MAGI1: variants seen among roughly 807,000 people sequenced by gnomAD.
MAGI1 encodes membrane-associated guanylate kinase, WW and PDZ domain-containing protein 1.
A neutral mutation model predicts 139.9 loss-of-function variants in MAGI1; 58 were observed. That is an observed-to-expected ratio of 0.41 (90% confidence interval 0.34 to 0.52). The LOEUF (loss-of-function observed/expected upper bound fraction) is 0.52, where lower values mean the gene tolerates loss of function less well. MAGI1 is among the 20% of genes least tolerant of loss of function. The pLI is 0.12. For missense variants in MAGI1, 1,874 were observed against 1,901.6 expected, an observed-to-expected ratio of 0.99 and a Z score of 0.27; for synonymous variants, 812 against 737.9, an observed-to-expected ratio of 1.10 and a Z score of -1.63.
chr3:65,726,636 C>A (rs1029115529), intron 1 of MAGI1, among the ~76,000 whole-genome samples: 3 of 152,050 alleles, frequency 2.0e-5, no homozygotes, highest in Non-Finnish European at 4.4e-5. Context: ...ACATACTGAT[C>A]CAAAAGAAAG....
chr3:66,038,565 A>G lies in MAGI1; in HGVS notation c.-257T>C, dbSNP rs899706123. ...TTTGCATTCCGGTGCCTCTGGGTCC[A>G]CGTTCCGGCGCCCGCCCGTGCTCTC... On this transcript the variant is annotated 5_prime_UTR_variant, in exon 1 of 23. Coordinates refer to ENST00000402939, the MANE Select transcript of MAGI1 (RefSeq NM_001033057.2). The G allele has an allele frequency of 4.4e-6, 2 of 454,124 alleles. No homozygotes were observed. Among genetic ancestry groups the G allele is most frequent in the African/African-American group, 4.0e-5 (2 of 49,472 alleles). The allele number at this position is 454,124 out of a possible 1,614,324, so 28.1% of individuals were successfully genotyped here. A position where few individuals can be genotyped will look rare whatever the true frequency, so the allele number is the denominator to read the frequency against.
chr3:65,492,937 G>A (rs1005957187), intron 3 of MAGI1, among the ~76,000 whole-genome samples: 1 of 152,128 alleles, frequency 6.6e-6, no homozygotes, highest in East Asian at 1.9e-4. Context: ...AATTAGCCGG[G>A]CATGGTGGCA....
chr3:65,609,286 T>C (rs35611263), intron 2 of MAGI1, among the ~76,000 whole-genome samples: 1 of 113,018 alleles, frequency 8.8e-6, no homozygotes, highest in Non-Finnish European at 1.8e-5. Flanking sequence ...CTTTTTTTTG[T>C]TTTTTTTTTG....
At chr3:66,006,600 CTGTT>C (rs1356478354) in intron 1 of MAGI1, among the ~76,000 whole-genome samples, 7 of 152,084 alleles carry the variant, frequency 4.6e-5, no homozygotes, top group Admixed American at 3.3e-4. Context: ...GCTTTTTCAT[CTGTT>C]TAGACTCTGA....
intron 2 of MAGI1, among the ~76,000 whole-genome samples, chr3:65,593,021 T>C (rs1305998365): frequency 6.6e-6 from 1 of 152,128 alleles, no homozygotes; most frequent in African/African-American, 2.4e-5. Context: ...GGCACTCAAA[T>C]ATTATAAGTT....
In MAGI1 at chr3:65,673,096, C is replaced by G. The variant is rs552829512; in HGVS notation, c.314-51008G>C. 6.6e-5 allele frequency among the ~76,000 whole-genome samples: 10 copies of G among 152,206 alleles called. 1 individual carries two copies. In the South Asian group the frequency reaches 2.1e-3, roughly 32 times the overall value. On this transcript the variant is annotated intron_variant, in intron 1 of 22. Coordinates refer to ENST00000402939, the MANE Select transcript of MAGI1 (RefSeq NM_001033057.2). ...GTCGGTGGTACACAGAGCTGTTGCA[C>G]TTGTGCCTGGGCTTGCGAGTTTTTG...
chr3:65,718,170 G>A (rs367893822), intron 1 of MAGI1, among the ~76,000 whole-genome samples: 6 of 152,216 alleles, frequency 3.9e-5, no homozygotes, highest in East Asian at 1.9e-4. Flanking sequence ...GTCGTCTGTG[G>A]TTAATGTGAC....
chr3:65,868,079 G>T (rs2059792638), intron 1 of MAGI1, among the ~76,000 whole-genome samples: 1 of 152,106 alleles, frequency 6.6e-6, no homozygotes, highest in African/African-American at 2.4e-5. Flanking sequence ...CTGGAAAGTT[G>T]GCCCTGTTTC....
At chr3:65,398,864 C>A (rs1944622548) in intron 13 of MAGI1, among the ~76,000 whole-genome samples, 1 of 152,086 alleles carries the variant, frequency 6.6e-6, no homozygotes, top group South Asian at 2.1e-4. Flanking sequence ...ACAATTTCAA[C>A]ATTTAAACTA....
intron 1 of MAGI1, among the ~76,000 whole-genome samples, chr3:65,715,681 A>G (rs1361255037): frequency 1.3e-5 from 2 of 152,222 alleles, no homozygotes; most frequent in Non-Finnish European, 2.9e-5. Flanking sequence ...TGGGGAAAGG[A>G]AGCAGATTTA....
intron 1 of MAGI1, among the ~76,000 whole-genome samples, chr3:65,675,351 T>C (rs1385064145): frequency 6.6e-6 from 1 of 152,168 alleles, no homozygotes; most frequent in African/African-American, 2.4e-5. Flanking sequence ...TAAATCAATT[T>C]GGAAAGCTGC....
At chr3:65,670,372 G>C (rs2086782560) in intron 1 of MAGI1, among the ~76,000 whole-genome samples, 1 of 150,836 alleles carries the variant, frequency 6.6e-6, no homozygotes, top group Non-Finnish European at 1.5e-5. Context: ...ACACATAAGT[G>C]CTTGGCTTCA....
intron 4 of MAGI1, among the ~76,000 whole-genome samples, chr3:65,475,101 T>C (rs1174786483): frequency 7.2e-5 from 11 of 152,024 alleles, no homozygotes; most frequent in Admixed American, 5.9e-4. Context: ...TCAGGGATTA[T>C]TGGGAAAAAA....
intron 2 of MAGI1, among the ~76,000 whole-genome samples, chr3:65,606,766 C>A (rs1305746040): frequency 6.6e-6 from 1 of 152,166 alleles, no homozygotes; most frequent in Non-Finnish European, 1.5e-5. Flanking sequence ...GATCCACCCG[C>A]CTCAGCCTCC....
At chr3:65,685,554 T>C (rs2087951486) in intron 1 of MAGI1, among the ~76,000 whole-genome samples, 1 of 152,234 alleles carries the variant, frequency 6.6e-6, no homozygotes, top group Non-Finnish European at 1.5e-5. Flanking sequence ...GAACGTAGCT[T>C]GTCTGGGGAC....
chr3:65,546,794 A>C (rs1576277308), intron 2 of MAGI1, among the ~76,000 whole-genome samples: 1 of 152,152 alleles, frequency 6.6e-6, no homozygotes, highest in Non-Finnish European at 1.5e-5. Flanking sequence ...TTTAAAATTA[A>C]CTTTGAAGTT....
At chr3:65,557,213 C>T (rs2080127954) in intron 2 of MAGI1, among the ~76,000 whole-genome samples, 1 of 152,210 alleles carries the variant, frequency 6.6e-6, no homozygotes, top group Non-Finnish European at 1.5e-5. Context: ...TATGCCACCC[C>T]TAAGATTAGG....
intron 2 of MAGI1, among the ~76,000 whole-genome samples, chr3:65,514,447 C>T (rs2077757162): frequency 6.9e-6 from 1 of 144,654 alleles, no homozygotes; most frequent in Admixed American, 7.0e-5. Context: ...ACAATGAACT[C>T]AAACAAATTT....
intron 1 of MAGI1, among the ~76,000 whole-genome samples, chr3:65,968,401 T>C (rs1319969454): frequency 1.3e-5 from 2 of 152,038 alleles, no homozygotes; most frequent in Non-Finnish European, 2.9e-5. Context: ...GCTTAATGAA[T>C]TACATACAGA....
Sources: allele counts gnomAD v4.1 joint callset (sites outside exome capture counted in the v4.1 genomes callset), GRCh38; gene constraint gnomAD v4.1.1; transcripts MANE v1.5; gene names NCBI Gene and HGNC (gene_info 2026-07-23, HGNC 2026-07-21).